The following RASD2 variants were observed in gnomAD, a reference collection of about 807,000 sequenced individuals.
The protein encoded by RASD2 is RASD family member 2, also known as GTP-binding protein Rhes.
Under a neutral mutation model 15.8 loss-of-function variants are expected in RASD2, and 7 were observed. That is an observed-to-expected ratio of 0.44 (90% CI 0.25 to 0.83). RASD2 has a LOEUF of 0.83. RASD2 is among the 40% of genes least tolerant of loss of function. The pLI, the probability that RASD2 is intolerant of heterozygous loss-of-function variation, is 0.20. For missense variants in RASD2, 274 were observed against 382.8 expected (o/e 0.72, Z 2.37); for synonymous variants, 155 against 153.6 (o/e 1.01, Z -0.07).
chr22:35,544,716 C>T (rs747309752), intron 1 of RASD2, among the ~76,000 whole-genome samples: 20 of 152,170 alleles, frequency 1.3e-4, no homozygotes, highest in Non-Finnish European at 2.4e-4. Flanking sequence ...CTTCTGAGCT[C>T]GGGGCAGACC....
chr22:35,547,738 C>A (rs999100795), intron 2 of RASD2, among the ~76,000 whole-genome samples: 14 of 152,198 alleles, frequency 9.2e-5, no homozygotes, highest in African/African-American at 2.9e-4. Flanking sequence ...CCTCAGTCCC[C>A]CAAGTAGCTG....
upstream of RASD2, among the ~76,000 whole-genome samples, chr22:35,540,328 C>T (rs1281148974): frequency 1.3e-5 from 2 of 150,932 alleles, no homozygotes. Context: ...GCGCGCCCAG[C>T]GGCCCCGGCC....
At chr22:35,544,018 C>G (rs1185414354) in intron 1 of RASD2, among the ~76,000 whole-genome samples, 4 of 150,688 alleles carry the variant, frequency 2.7e-5, no homozygotes, top group African/African-American at 9.8e-5. Context: ...CCTCCTCTCT[C>G]CGATTCTCTG....
chr22:35,547,071 A>G lies in RASD2; in HGVS notation c.262A>G (p.Ile88Val). 1.2e-6 allele frequency: 2 copies of G among 1,613,048 alleles called. No homozygotes were observed. The highest frequency in any genetic ancestry group is 1.7e-6 in the Non-Finnish European group (2 of 1,179,364). Residue 88 changes from isoleucine to valine, a missense_variant, in exon 2 of 3, where the codon ATC becomes GTC. Transcript: ENST00000216127. The part of the protein sequence containing the change: ...HPFPAMRRLS[I>V]LTGDVFILVF... ...CTTCCCCGCCATGCGCAGGCTGTCC[A>G]TCCTCACAGGTGAGGCCCACTGGTG...
chr22:35,551,358 C>T lies in RASD2; in HGVS notation c.272-145C>T, dbSNP rs573232051. 7.8e-6 allele frequency: 6 copies of T among 764,954 alleles called. No homozygotes were observed. The highest frequency in any genetic ancestry group is 1.7e-5 in the African/African-American group (1 of 57,598). The allele number at this position is 764,954 out of a possible 1,614,324, so 47.4% of individuals were successfully genotyped here. ...AATAATCGCAGCTACCCCGAAGAGT[C>T]GCTGTGTAGGTTAAAGCAGTTATGC... On this transcript the variant is annotated intron_variant, in intron 2 of 2. Coordinates refer to ENST00000216127, the MANE Select transcript of RASD2 (RefSeq NM_014310.4). The surrounding 1 kb of genome is among the most constrained non-coding windows in gnomAD (Gnocchi z 4.9).
Position 35,552,679 on chromosome 22 carries a change from A to G in RASD2, c.*647A>G, listed in dbSNP as rs115459630. 7.6e-3 allele frequency: 1,167 copies of G among 153,286 alleles called. 23 individuals carry two copies. Among genetic ancestry groups the G allele is most frequent in the African/African-American group, 0.027 (1,136 of 41,520 alleles). 9.5% of individuals were successfully genotyped at this position (153,286 alleles called of 1,614,324 possible). A position where few individuals can be genotyped will look rare whatever the true frequency, so the allele number is the denominator to read the frequency against. On this transcript the variant is annotated 3_prime_UTR_variant, in exon 3 of 3. Transcript: ENST00000216127. ...CGCCCACCTCCTGACCGCGTTCCTC[A>G]GCCTCCTCTCCTAGGTCCCTCCGCC...
At chr22:35,542,307 A>G (rs2145868124) in intron 1 of RASD2, among the ~76,000 whole-genome samples, 1 of 152,370 alleles carries the variant, frequency 6.6e-6, no homozygotes, top group South Asian at 2.1e-4. Context: ...GACTGCCAAG[A>G]TAAAGTGCCA....
chr22:35,547,569 G>C (rs1934539973), intron 2 of RASD2, among the ~76,000 whole-genome samples: 1 of 152,224 alleles, frequency 6.6e-6, no homozygotes, highest in Admixed American at 6.5e-5. Context: ...GATGGCACTA[G>C]CTGACACTTA....
Position 35,546,963 on chromosome 22 carries a change from A to G in RASD2, c.154A>G (p.Ile52Val). The stretch of plus-strand genomic sequence containing the variant: ...CTTTGAGGACCAGTACACACCCACC[A>G]TCGAGGACTTCCACCGTAAGGTATA... ...GRFEDQYTPT[I>V]EDFHRKVYNI... Residue 52 changes from isoleucine to valine, a missense_variant, in exon 2 of 3, where the codon ATC becomes GTC. By Grantham distance (29) the Ile-to-Val change is conservative (BLOSUM62 3). Coordinates refer to ENST00000216127, the MANE Select transcript of RASD2 (RefSeq NM_014310.4). 10 of 1,613,964 alleles carry G rather than the reference A, an allele frequency of 6.2e-6. No homozygotes were observed. Among genetic ancestry groups the G allele is most frequent in the Non-Finnish European group, 8.5e-6 (10 of 1,179,978 alleles).
At chr22:35,538,458 G>A (rs76224707), upstream of RASD2, among the ~76,000 whole-genome samples, 2,563 of 152,240 alleles carry the variant, frequency 0.017, 31 homozygotes, top group Middle Eastern at 0.031. Context: ...GGGTGGGGAG[G>A]GGGGAAGGGG....
intron 1 of RASD2, among the ~76,000 whole-genome samples, chr22:35,544,527 C>G (rs1326543114): frequency 6.6e-6 from 1 of 152,236 alleles, no homozygotes; most frequent in Non-Finnish European, 1.5e-5. Context: ...AGACAGAGCC[C>G]TTTGCCATTT....
At chr22:35,547,133 G>C in intron 2 of RASD2, 53 bp downstream of exon 2, 11 of 1,553,026 alleles carry the variant, frequency 7.1e-6, no homozygotes, top group Non-Finnish European at 8.8e-6. Context: ...CATGGGTGCG[G>C]AGTGTGCTGG....
At position 35,549,684 on chromosome 22, in the gene RASD2, G is replaced by A. The variant is rs78899921; in HGVS notation, c.272-1819G>A. On this transcript the variant is annotated intron_variant, in intron 2 of 2. Transcript: ENST00000216127. ...TTGGTTAACACTGACTGTGTGCCAG[G>A]CCCTGGGGAGACCAGGACGAGTGGG... Among the ~76,000 whole-genome samples the A allele has an allele frequency of 9.2e-3, 1,407 of 152,262 alleles. 27 individuals are homozygous for A. The highest frequency in any genetic ancestry group is 0.032 in the African/African-American group (1,325 of 41,536).
At chr22:35,540,166 C>G (rs367912992), upstream of RASD2, among the ~76,000 whole-genome samples, 199 of 152,142 alleles carry the variant, frequency 1.3e-3, 1 homozygote, top group African/African-American at 4.7e-3. Context: ...GTGGCGCGCT[C>G]GACCTGGCCG....
chr22:35,553,239 G>A lies in RASD2; in HGVS notation c.*1207G>A, dbSNP rs1934726519. 6.6e-6 allele frequency: 1 copy of A among 152,370 alleles called. No homozygotes were observed. Among genetic ancestry groups the A allele is most frequent in the African/African-American group, 2.4e-5 (1 of 41,424 alleles). The allele number at this position is 152,370 out of a possible 1,614,324, so 9.4% of individuals were successfully genotyped here. On this transcript the variant is annotated 3_prime_UTR_variant, in exon 3 of 3. Coordinates refer to ENST00000216127, the MANE Select transcript of RASD2 (RefSeq NM_014310.4). ...CACCACCTTCTGCACACACAGCGGTGGGGAGGCGGGGAGGAGCAGCTGGGA... is the reference window on the plus strand; with the variant it reads ...CACCACCTTCTGCACACACAGCGGTAGGGAGGCGGGGAGGAGCAGCTGGGA...
In RASD2 at chr22:35,552,246, T is replaced by G. The variant is rs736211; in HGVS notation, c.*214T>G. ...TGTCCACAGCTCCTTGGTGGTTTCATCTCCTCTGTGGGAGGACACATCTCT... is the reference window on the plus strand; with the variant it reads ...TGTCCACAGCTCCTTGGTGGTTTCAGCTCCTCTGTGGGAGGACACATCTCT... On this transcript the variant is annotated 3_prime_UTR_variant, in exon 3 of 3. Coordinates refer to ENST00000216127, the MANE Select transcript of RASD2 (RefSeq NM_014310.4). The G allele has an allele frequency of 0.44, 272,176 of 623,720 alleles. 61,509 individuals are homozygous for G. The highest frequency in any genetic ancestry group is 0.59 in the African/African-American group (31,837 of 54,388). 38.6% of individuals were successfully genotyped at this position (623,720 alleles called of 1,614,324 possible). A position where few individuals can be genotyped will look rare whatever the true frequency, so the allele number is the denominator to read the frequency against.
chr22:35,547,270 T>A (rs1934531987), intron 2 of RASD2, among the ~76,000 whole-genome samples, 190 bp downstream of exon 2: 1 of 152,370 alleles, frequency 6.6e-6, no homozygotes, highest in East Asian at 1.9e-4. Flanking sequence ...CCCGATTCCA[T>A]TCTGTTAGAC....
the RASD2 span, among the ~76,000 whole-genome samples, chr22:35,533,553 A>C: frequency 5.5e-5 from 5 of 91,058 alleles, no homozygotes; most frequent in South Asian, 1.9e-3. Flanking sequence ...GGTGATGGTG[A>C]TGATGATGAT....
At chr22:35,547,641 G>A (rs1378960616) in intron 2 of RASD2, among the ~76,000 whole-genome samples, 3 of 152,174 alleles carry the variant, frequency 2.0e-5, no homozygotes, top group Non-Finnish European at 4.4e-5. Context: ...TTGAAACAGA[G>A]TCTCGCTCTG....
Sources: allele counts gnomAD v4.1 joint callset (sites outside exome capture counted in the v4.1 genomes callset), GRCh38; gene constraint gnomAD v4.1.1; non-coding constraint Gnocchi (gnomAD v3.1); transcripts MANE v1.5; gene names NCBI Gene and HGNC (gene_info 2026-07-23, HGNC 2026-07-21).